AOAH: variants seen among roughly 807,000 people sequenced by gnomAD.
AOAH encodes the protein acyloxyacyl hydrolase.
A neutral mutation model predicts 92.2 loss-of-function variants in AOAH; 64 were observed. The ratio of observed to expected loss-of-function variants is 0.69; its 90% confidence interval spans 0.57 to 0.86. The LOEUF is 0.86. AOAH is among the 40% of genes least tolerant of loss of function. AOAH has a pLI of 0.00. For missense variants in AOAH, 656 were observed against 694.6 expected (o/e 0.94, Z 0.62); for synonymous variants, 263 against 254.5 (o/e 1.03, Z -0.32).
chr7:36,621,601 TCTC>T, intron 8 of AOAH, 106 bp downstream of exon 8: 1 of 1,025,930 alleles, frequency 9.7e-7, no homozygotes, highest in Non-Finnish European at 1.5e-6. Context: ...AACATGAAAA[TCTC>T]TTCTCTCTGT....
intron 3 of AOAH, among the ~76,000 whole-genome samples, chr7:36,667,804 C>A: frequency 6.6e-6 from 1 of 152,322 alleles, no homozygotes; most frequent in South Asian, 2.1e-4. Flanking sequence ...TTATGTAACT[C>A]TTATCCCTTT....
Position 36,724,198 on chromosome 7 carries a change from T to C in AOAH, c.-50A>G, listed in dbSNP as rs1194860234. 4 of 1,603,902 alleles carry C rather than the reference T, an allele frequency of 2.5e-6. No homozygotes were observed. Among genetic ancestry groups the C allele is most frequent in the African/African-American group, 2.7e-5 (2 of 74,586 alleles). ...TCACCCGGCTTTGGAAGCTCCCAAC[T>C]GAGGGATGCTGGAGCTGAGGCTGCA... On this transcript the variant is annotated 5_prime_UTR_variant, in exon 1 of 21. Coordinates refer to ENST00000617537, the MANE Select transcript of AOAH (RefSeq NM_001637.4).
chr7:36,531,768 C>T (rs1784702944), intron 18 of AOAH, among the ~76,000 whole-genome samples: 1 of 152,194 alleles, frequency 6.6e-6, no homozygotes, highest in Non-Finnish European at 1.5e-5. Flanking sequence ...GGGAGAACTT[C>T]TGTCATGCAT....
At chr7:36,541,645 C>T (rs1217578028) in intron 15 of AOAH, among the ~76,000 whole-genome samples, 1 of 152,186 alleles carries the variant, frequency 6.6e-6, no homozygotes, top group East Asian at 1.9e-4. Flanking sequence ...ACCTCAGCGT[C>T]GTACAATAAT....
chr7:36,525,628 C>G (rs1438423532), intron 19 of AOAH, among the ~76,000 whole-genome samples: 2 of 152,142 alleles, frequency 1.3e-5, no homozygotes, highest in Non-Finnish European at 2.9e-5. Context: ...CCAAAATGCT[C>G]TAAAATTCAA....
chr7:36,723,480 C>T (rs1799779557), intron 1 of AOAH, among the ~76,000 whole-genome samples: 1 of 152,196 alleles, frequency 6.6e-6, no homozygotes, highest in South Asian at 2.1e-4. Flanking sequence ...ATGGTTGAGT[C>T]CTTACTGTGT....
Position 36,536,675 on chromosome 7 carries a change from A to G in AOAH, c.1306+3644T>C, listed in dbSNP as rs182411710. ...AAGAATCACGCCTTCTCAGCTGGGAACGGTGGCTCATGCCTGTAATCCCAG... is the reference window on the plus strand; with the variant it reads ...AAGAATCACGCCTTCTCAGCTGGGAGCGGTGGCTCATGCCTGTAATCCCAG... On this transcript the variant is annotated intron_variant, in intron 16 of 20. Coordinates refer to ENST00000617537, the MANE Select transcript of AOAH (RefSeq NM_001637.4). Among the ~76,000 whole-genome samples, 62 of 152,182 alleles carry G rather than the reference A, an allele frequency of 4.1e-4. 1 individual carries two copies. The East Asian group carries it at 9.3e-3, about 23-fold the overall frequency.
intron 13 of AOAH, among the ~76,000 whole-genome samples, chr7:36,554,288 A>T (rs1474355717): frequency 6.6e-6 from 1 of 152,174 alleles, no homozygotes; most frequent in Admixed American, 6.5e-5. Context: ...AAGATCAGAT[A>T]GTTGTAGATA....
chr7:36,538,373 C>A (rs1279560529), intron 16 of AOAH, among the ~76,000 whole-genome samples: 3 of 152,084 alleles, frequency 2.0e-5, no homozygotes, highest in Non-Finnish European at 4.4e-5. Context: ...TAGTCCTTTC[C>A]AAATTGCATG....
chr7:36,631,350 CAAAA>C (rs149488709), intron 6 of AOAH, among the ~76,000 whole-genome samples: 3 of 131,708 alleles, frequency 2.3e-5, no homozygotes, highest in African/African-American at 8.7e-5. Flanking sequence ...TCCATCATCT[CAAAA>C]AAAAAAAAAA....
chr7:36,620,742 C>T, intron 9 of AOAH, 39 bp downstream of exon 9: 3 of 1,604,380 alleles, frequency 1.9e-6, no homozygotes, highest in East Asian at 2.2e-5. Context: ...GAGGGAGGAA[C>T]AAAGGAGAAT....
At chr7:36,665,244 G>C (rs1400775027) in intron 3 of AOAH, among the ~76,000 whole-genome samples, 1 of 152,048 alleles carries the variant, frequency 6.6e-6, no homozygotes, top group Admixed American at 6.5e-5. Context: ...TCCTCATATA[G>C]ATCTTGCACA....
intron 20 of AOAH, chr7:36,514,369 C>T: frequency 2.2e-6 from 2 of 895,574 alleles, no homozygotes; most frequent in South Asian, 3.3e-5. Flanking sequence ...GGGTGGGATC[C>T]TGGCAGGCTG....
At chr7:36,645,737 A>C (rs1376812138) in intron 4 of AOAH, among the ~76,000 whole-genome samples, 2 of 152,060 alleles carry the variant, frequency 1.3e-5, no homozygotes, top group Non-Finnish European at 2.9e-5. Flanking sequence ...ACTTTAAATT[A>C]TATGCAAAAA....
intron 3 of AOAH, among the ~76,000 whole-genome samples, chr7:36,662,764 A>C (rs1299530238): frequency 6.6e-6 from 1 of 152,120 alleles, no homozygotes; most frequent in African/African-American, 2.4e-5. Context: ...TGAATGTGAG[A>C]GTGGAGATGT....
At chr7:36,683,990 T>C (rs772067640) in intron 2 of AOAH, among the ~76,000 whole-genome samples, 3 of 151,198 alleles carry the variant, frequency 2.0e-5, no homozygotes, top group Non-Finnish European at 4.4e-5. Flanking sequence ...CAAGACTCTG[T>C]CTCAAAAAGA....
chr7:36,659,817 C>T (rs1286410934), intron 3 of AOAH, among the ~76,000 whole-genome samples: 10 of 140,716 alleles, frequency 7.1e-5, no homozygotes, highest in African/African-American at 2.2e-4. Context: ...AGCCGAAGCT[C>T]GGCCATTATA....
Position 36,696,938 on chromosome 7 carries a change from T to C in AOAH, c.128-10144A>G, listed in dbSNP as rs539143990. Among the ~76,000 whole-genome samples the C allele has an allele frequency of 9.8e-5, 15 of 152,352 alleles. No homozygotes were observed. In the South Asian group the frequency reaches 3.1e-3, roughly 32 times the overall value. On this transcript the variant is annotated intron_variant, in intron 1 of 20. Coordinates refer to ENST00000617537, the MANE Select transcript of AOAH (RefSeq NM_001637.4). ...ACTCGCTTATCAGTTCTAGTAGTTT[T>C]TTTTGTAGATACCTTAGGATTTTTC...
chr7:36,573,593 C>G (rs1788286276), intron 13 of AOAH, among the ~76,000 whole-genome samples: 1 of 152,184 alleles, frequency 6.6e-6, no homozygotes, highest in Non-Finnish European at 1.5e-5. Context: ...TGGCATGTGC[C>G]TGTAATCCCA....
Sources: gnomAD v4.1 joint callset for allele counts (sites outside exome capture counted in the v4.1 genomes callset) on GRCh38, gnomAD v4.1.1 for gene constraint, MANE v1.5 for transcripts, NCBI Gene and HGNC (gene_info 2026-07-23, HGNC 2026-07-21) for gene names.